The following SLC9C1 variants were observed in gnomAD, a reference collection of about 807,000 sequenced individuals.
The protein encoded by SLC9C1 is solute carrier family 9 member C1, also known as sodium/hydrogen exchanger 10.
In SLC9C1, 97 loss-of-function variants were observed where a neutral mutation model predicts 140.9. The ratio of observed to expected loss-of-function variants is 0.69; its 90% CI spans 0.58 to 0.82. The LOEUF is 0.82. Ranked by LOEUF, SLC9C1 falls within the 40% of genes least tolerant of loss-of-function variation. The pLI, the probability that SLC9C1 is intolerant of heterozygous loss-of-function variation, is 0.00. For synonymous variants in SLC9C1, 440 were observed against 442.6 expected (o/e 0.99, Z 0.07); for missense variants, 1,340 against 1,389.3 (o/e 0.96, Z 0.56).
Position 112,208,244 on chromosome 3 carries a change from G to A in SLC9C1, c.1920C>T (p.Tyr640=). The change falls in exon 16 of 29, where the codon TAC becomes TAT. Residue 640 remains tyrosine (Y), a synonymous_variant. Coordinates refer to ENST00000305815, the MANE Select transcript of SLC9C1 (RefSeq NM_183061.3). The part of the protein sequence containing the change: ...ISWISQLNVI[Y]HSELKHTNYC... ...AGTTAGTGTGTTTTAATTCGCTGTG[G>A]TAGATTACATTTAACTGGGATATCC... is the stretch of plus-strand genomic sequence containing the variant. 1.9e-6 allele frequency: 3 copies of A among 1,611,950 alleles called. No individual in the cohort carries two copies. The highest frequency in any genetic ancestry group is 2.5e-6 in the Non-Finnish European group (3 of 1,178,980).
At chr3:112,235,656 C>T (rs2078963302) in intron 12 of SLC9C1, among the ~76,000 whole-genome samples, 1 of 150,882 alleles carries the variant, frequency 6.6e-6, no homozygotes, top group Admixed American at 6.6e-5. Context: ...CCCATCAATA[C>T]TATTAAGAGT....
intron 15 of SLC9C1, among the ~76,000 whole-genome samples, chr3:112,216,797 C>T (rs1478360915): frequency 3.3e-5 from 5 of 152,106 alleles, no homozygotes; most frequent in South Asian, 2.1e-4. Context: ...GACAGTGTGG[C>T]GATTCCTCAA....
At chr3:112,252,685 C>G (rs1159340326) in intron 10 of SLC9C1, among the ~76,000 whole-genome samples, 1 of 152,054 alleles carries the variant, frequency 6.6e-6, no homozygotes, top group African/African-American at 2.4e-5. Flanking sequence ...AGTAGACTGC[C>G]ATCTTTGCTG....
chr3:112,177,038 T>C (rs1457704822), intron 23 of SLC9C1, among the ~76,000 whole-genome samples: 1 of 149,936 alleles, frequency 6.7e-6, no homozygotes, highest in African/African-American at 2.5e-5. Flanking sequence ...ATAGAGTCTT[T>C]CTCTGTCACC....
At chr3:112,251,822 A>G (rs367682524) in intron 10 of SLC9C1, among the ~76,000 whole-genome samples, 21 of 151,524 alleles carry the variant, frequency 1.4e-4, no homozygotes, top group African/African-American at 4.8e-4. Context: ...TGGGCAGGTG[A>G]GTGAATGAGT....
rs573038849 is a variant in SLC9C1, at chr3:112,294,128, C to A, written c.-123G>T. ...CTCAGGAGGAGTATCCCGTGGTGTG[C>A]AAGTGAGAAGTGGGGGGCAGCTATT... On this transcript the variant is annotated 5_prime_UTR_variant, in exon 1 of 29. Transcript: ENST00000305815. The A allele has an allele frequency of 2.6e-5, 4 of 152,322 alleles. No homozygotes were observed. The highest frequency in any genetic ancestry group is 2.6e-4 in the Admixed American group (4 of 15,292). 9.4% of individuals were successfully genotyped at this position (152,322 alleles called of 1,614,324 possible). A position where few individuals can be genotyped will look rare whatever the true frequency, so the allele number is the denominator to read the frequency against.
intron 15 of SLC9C1, among the ~76,000 whole-genome samples, chr3:112,216,406 A>G (rs1251857157): frequency 5.9e-5 from 9 of 152,330 alleles, no homozygotes; most frequent in Middle Eastern, 3.4e-3. Context: ...AACTACCATC[A>G]GAGTGAACAG....
At chr3:112,217,285 C>A (rs981768381) in intron 15 of SLC9C1, among the ~76,000 whole-genome samples, 157 bp downstream of exon 15, 4 of 152,146 alleles carry the variant, frequency 2.6e-5, no homozygotes, top group African/African-American at 9.7e-5. Context: ...AGCACACCAA[C>A]GTGTCACATG....
In SLC9C1 at chr3:112,161,283, CA is replaced by C. The variant is rs2075290623; in HGVS notation, c.3364+5937del. 2.0e-5 allele frequency among the ~76,000 whole-genome samples: 3 copies of C among 152,146 alleles called. No homozygotes were observed. In the South Asian group the frequency reaches 6.2e-4, roughly 32 times the overall value. ...GAAGCTCTTTAGTTTAATTAGATCC[CA>C]TTTGTCAATTTTGGCTTTTGTTGCA... is the stretch of plus-strand genomic sequence containing the variant. On this transcript the variant is annotated intron_variant, in intron 26 of 28. Coordinates refer to ENST00000305815, the MANE Select transcript of SLC9C1 (RefSeq NM_183061.3).
Position 112,156,313 on chromosome 3 carries a change from T to G in SLC9C1, c.3365-1264A>C, listed in dbSNP as rs566529427. ...TAATGACCTCTAGTTTCAAACACAT[T>G]GCAGCAAATGAGAGAATTTTATTGT... On this transcript the variant is annotated intron_variant, in intron 26 of 28. Coordinates refer to ENST00000305815, the MANE Select transcript of SLC9C1 (RefSeq NM_183061.3). Among the ~76,000 whole-genome samples, 3 of 152,236 alleles carry G rather than the reference T, an allele frequency of 2.0e-5. No homozygotes were observed. The South Asian group carries it at 6.2e-4, about 32-fold the overall frequency.
intron 1 of SLC9C1, among the ~76,000 whole-genome samples, chr3:112,287,974 C>G (rs1227521538): frequency 7.9e-6 from 1 of 126,520 alleles, no homozygotes; most frequent in Non-Finnish European, 1.6e-5. Context: ...ACCGGGGAGG[C>G]GGAGCTTGCA....
At chr3:112,180,791 AG>A (rs2077424561) in intron 21 of SLC9C1, 129 bp from the exon 22 acceptor site, 1 of 696,334 alleles carries the variant, frequency 1.4e-6, no homozygotes. Context: ...ACTGGAGTGC[AG>A]TGGTGCAATC....
intron 15 of SLC9C1, among the ~76,000 whole-genome samples, chr3:112,215,098 A>G (rs2078320298): frequency 6.6e-6 from 1 of 152,218 alleles, no homozygotes. Context: ...AAACGAACCA[A>G]AGGCAAAAAT....
intron 21 of SLC9C1, among the ~76,000 whole-genome samples, chr3:112,181,644 G>C (rs2077440908): frequency 6.6e-6 from 1 of 152,122 alleles, no homozygotes; most frequent in Non-Finnish European, 1.5e-5. Flanking sequence ...GTACATATTG[G>C]ATACAATGGC....
intron 8 of SLC9C1, among the ~76,000 whole-genome samples, chr3:112,265,927 C>T (rs1047614447): frequency 3.9e-5 from 6 of 151,940 alleles, no homozygotes; most frequent in Admixed American, 3.3e-4. Context: ...TCAATTACTG[C>T]ACTTTTGGCA....
At position 112,141,114 on chromosome 3, in the gene SLC9C1, G is replaced by T; in HGVS notation, c.*158C>A. On this transcript the variant is annotated 3_prime_UTR_variant, in exon 29 of 29. Coordinates refer to ENST00000305815, the MANE Select transcript of SLC9C1 (RefSeq NM_183061.3). ...CAAAAAGTATATATGTTGAACTGCT[G>T]GTTTCAAGGTCCAAATTTCTTTTCT... 3 of 622,194 alleles carry T rather than the reference G, an allele frequency of 4.8e-6. No individual in the cohort carries two copies. Among genetic ancestry groups the T allele is most frequent in the Middle Eastern group, 5.5e-4 (2 of 3,636 alleles). The allele number at this position is 622,194 out of a possible 1,614,324, so 38.5% of individuals were successfully genotyped here. A position where few individuals can be genotyped will look rare whatever the true frequency, so the allele number is the denominator to read the frequency against.
Position 112,214,380 on chromosome 3 carries a change from G to C in SLC9C1, c.1790+3062C>G, listed in dbSNP as rs543855836. On this transcript the variant is annotated intron_variant, in intron 15 of 28. Coordinates refer to ENST00000305815, the MANE Select transcript of SLC9C1 (RefSeq NM_183061.3). ...GATCAGAGCAGAACTGAAGGAGATA[G>C]AGACACGAAAAACCGTTCAAAAAAT... 8.5e-5 allele frequency among the ~76,000 whole-genome samples: 13 copies of C among 152,236 alleles called. No individual in the cohort carries two copies. The South Asian group carries it at 1.2e-3, about 15-fold the overall frequency.
At chr3:112,212,408 G>A (rs1005982312) in intron 15 of SLC9C1, among the ~76,000 whole-genome samples, 3 of 152,142 alleles carry the variant, frequency 2.0e-5, no homozygotes, top group South Asian at 2.1e-4. Context: ...AAACTTCTCC[G>A]AGCTAAAGGA....
At chr3:112,160,111 G>A (rs556502686) in intron 26 of SLC9C1, among the ~76,000 whole-genome samples, 21 of 151,216 alleles carry the variant, frequency 1.4e-4, no homozygotes, top group African/African-American at 5.1e-4. Context: ...TGTCTTACCT[G>A]TTTTCTAGTT....
Sources: allele counts gnomAD v4.1 joint callset (sites outside exome capture counted in the v4.1 genomes callset), GRCh38; gene constraint gnomAD v4.1.1; transcripts MANE v1.5; gene names NCBI Gene and HGNC (gene_info 2026-07-23, HGNC 2026-07-21).